PCDH15: variants seen among roughly 807,000 people sequenced by gnomAD.
The protein encoded by PCDH15 is protocadherin-15.
A neutral mutation model predicts 178.5 loss-of-function variants in PCDH15; 129 were observed. The observed-to-expected ratio is 0.72, with a 90% CI of 0.63 to 0.84. PCDH15 has a LOEUF of 0.84. Ranked by LOEUF, PCDH15 falls within the 40% of genes least tolerant of loss-of-function variation. The pLI, the probability that PCDH15 is intolerant of heterozygous loss-of-function variation, is 0.00. For synonymous variants in PCDH15, 800 were observed against 732.0 expected, an observed-to-expected ratio of 1.09 and a Z score of -1.50; for missense variants, 2,230 against 2,099.9, an observed-to-expected ratio of 1.06 and a Z score of -1.21.
At chr10:54,260,972 T>C (rs2057276500) in intron 8 of PCDH15, among the ~76,000 whole-genome samples, 1 of 152,198 alleles carries the variant, frequency 6.6e-6, no homozygotes, top group South Asian at 2.1e-4. Flanking sequence ...TCTCATTCTT[T>C]ACAGTAATGA....
chr10:55,389,808 T>C (rs984781904), intron 2 of PCDH15, among the ~76,000 whole-genome samples: 4 of 152,104 alleles, frequency 2.6e-5, no homozygotes, highest in Admixed American at 2.6e-4. Flanking sequence ...AGGAGAAATA[T>C]TAAATACCAA....
intron 28 of PCDH15, among the ~76,000 whole-genome samples, chr10:53,841,708 C>A (rs916715851): frequency 6.6e-6 from 1 of 152,274 alleles, no homozygotes; most frequent in African/African-American, 2.4e-5. Flanking sequence ...CACCACTCCA[C>A]GCCCACTGGT....
chr10:54,426,247 C>T (rs1440494632), intron 3 of PCDH15, among the ~76,000 whole-genome samples: 2 of 152,134 alleles, frequency 1.3e-5, no homozygotes, highest in Non-Finnish European at 1.5e-5. Context: ...GGTCCCCAAC[C>T]TCTTTGGTAC....
intron 2 of PCDH15, among the ~76,000 whole-genome samples, chr10:55,491,365 G>A (rs529631776): frequency 6.6e-6 from 1 of 151,820 alleles, no homozygotes; most frequent in East Asian, 2.0e-4. Flanking sequence ...GCTTGTCCAC[G>A]TAAGGTGAGA....
chr10:55,070,120 G>A (rs1841690201), intron 2 of PCDH15, among the ~76,000 whole-genome samples: 1 of 150,298 alleles, frequency 6.7e-6, no homozygotes, highest in Non-Finnish European at 1.5e-5. Context: ...CTTTTTGATG[G>A]GGTTGTTTGT....
At chr10:55,015,483 G>C (rs564857343) in intron 2 of PCDH15, among the ~76,000 whole-genome samples, 1 of 152,042 alleles carries the variant, frequency 6.6e-6, no homozygotes, top group Non-Finnish European at 1.5e-5. Flanking sequence ...AGTACTGAGC[G>C]CTGTTCAATG....
chr10:54,284,024 G>A (rs11593951), intron 8 of PCDH15, among the ~76,000 whole-genome samples: 39,068 of 151,888 alleles, frequency 0.26, 6,277 homozygotes, highest in Middle Eastern at 0.38. Flanking sequence ...TAACAGAAAC[G>A]GAGTCTCACT....
At chr10:54,769,983 T>C (rs1239296328) in intron 1 of PCDH15, among the ~76,000 whole-genome samples, 2 of 152,164 alleles carry the variant, frequency 1.3e-5, no homozygotes, top group Non-Finnish European at 2.9e-5. Context: ...TCTATTTACA[T>C]TAAATTAGTT....
At chr10:54,949,879 G>A (rs185766960) in intron 2 of PCDH15, among the ~76,000 whole-genome samples, 45 of 151,950 alleles carry the variant, frequency 3.0e-4, no homozygotes, top group African/African-American at 8.0e-4. Context: ...ATCTCTATAT[G>A]AGACCATCTC....
intron 1 of PCDH15, among the ~76,000 whole-genome samples, chr10:54,673,874 T>C (rs1489021854): frequency 6.6e-6 from 1 of 152,200 alleles, no homozygotes; most frequent in Non-Finnish European, 1.5e-5. Context: ...CTTTTTAACA[T>C]GTACTTACAA....
intron 2 of PCDH15, among the ~76,000 whole-genome samples, chr10:55,368,656 C>A (rs1323719507): frequency 6.6e-6 from 1 of 151,234 alleles, no homozygotes; most frequent in Non-Finnish European, 1.5e-5. Flanking sequence ...ACTGGTAGTT[C>A]TAAGAATAAT....
At chr10:54,693,220 A>G (rs1165226995) in intron 1 of PCDH15, among the ~76,000 whole-genome samples, 1 of 152,026 alleles carries the variant, frequency 6.6e-6, no homozygotes, top group Non-Finnish European at 1.5e-5. Flanking sequence ...CTCTTTTTAC[A>G]CCGAGAAGAA....
Position 53,938,871 on chromosome 10 carries a change from C to T in PCDH15, c.3317G>A (p.Arg1106Gln), listed in dbSNP as rs746935130. 11 of 1,613,564 alleles carry T rather than the reference C, an allele frequency of 6.8e-6. No homozygotes were observed. The East Asian group carries it at 1.3e-4, about 20-fold the overall frequency. Residue 1106 changes from arginine (R) to glutamine (Q), a missense_variant, in exon 25 of 38, where the codon CGA becomes CAA. Arg to Gln is a conservative substitution (Grantham distance 43). Transcript: ENST00000644397. ...CACTTCCAGGGAATCAGCTTGGACTCGAAGTACATAGCTTGTCCTGGTCTC... is the reference window on the plus strand; with the variant it reads ...CACTTCCAGGGAATCAGCTTGGACTTGAAGTACATAGCTTGTCCTGGTCTC... ...DYETRTSYVL[R>Q]VQADSLEVVL...
In PCDH15 at chr10:54,816,681, T is replaced by G. The variant is rs554363728; in HGVS notation, c.-29+80769A>C. On this transcript the variant is annotated intron_variant, in intron 3 of 5. Coordinates refer to the PCDH15 transcript ENST00000458638. ...TTCCAAAATTAATGTTAAATAAATTTGAATGTTTCACAATAGAGTAGACTT... is the reference window on the plus strand; with the variant it reads ...TTCCAAAATTAATGTTAAATAAATTGGAATGTTTCACAATAGAGTAGACTT... 2.0e-5 allele frequency among the ~76,000 whole-genome samples: 3 copies of G among 152,120 alleles called. No individual in the cohort carries two copies. The South Asian group carries it at 6.2e-4, about 31-fold the overall frequency.
At chr10:53,840,627 A>C in intron 28 of PCDH15, 131 bp from the exon 29 acceptor site, 2 of 835,428 alleles carry the variant, frequency 2.4e-6, no homozygotes, top group Admixed American at 2.2e-5. Flanking sequence ...ATGTTTACTG[A>C]ATATAAACCC....
At chr10:54,524,854 A>T (rs959298272) in intron 3 of PCDH15, among the ~76,000 whole-genome samples, 2 of 152,164 alleles carry the variant, frequency 1.3e-5, no homozygotes, top group Non-Finnish European at 2.9e-5. Flanking sequence ...GATGAAAATA[A>T]TCTCTTGTTC....
At chr10:53,979,226 T>TA (rs2090429011) in intron 21 of PCDH15, among the ~76,000 whole-genome samples, 2 of 152,168 alleles carry the variant, frequency 1.3e-5, no homozygotes, top group South Asian at 4.1e-4. Flanking sequence ...TCAGGAAACT[T>TA]ACAATCATGG....
At chr10:54,406,019 G>A (rs971914490) in intron 3 of PCDH15, among the ~76,000 whole-genome samples, 3 of 151,866 alleles carry the variant, frequency 2.0e-5, no homozygotes, top group African/African-American at 7.3e-5. Context: ...TATCTACATT[G>A]GTTAGAGATG....
chr10:55,551,377 A>T (rs974847296), intron 2 of PCDH15, among the ~76,000 whole-genome samples: 1 of 152,046 alleles, frequency 6.6e-6, no homozygotes, highest in South Asian at 2.1e-4. Flanking sequence ...AATTACATGC[A>T]TTCTATGTGA....
Sources: gnomAD v4.1 joint callset for allele counts (sites outside exome capture counted in the v4.1 genomes callset) on GRCh38, gnomAD v4.1.1 for gene constraint, MANE v1.5 for transcripts, NCBI Gene and HGNC (gene_info 2026-07-23, HGNC 2026-07-21) for gene names.